CADM2: variants seen among roughly 807,000 people sequenced by gnomAD.
CADM2 encodes the protein immunoglobulin superfamily member 4D.
In CADM2, 12 loss-of-function variants were observed where a neutral mutation model predicts 49.8. The ratio of observed to expected loss-of-function variants is 0.24; its 90% CI spans 0.15 to 0.39. The LOEUF (loss-of-function observed/expected upper bound fraction) is 0.39, where lower values mean the gene tolerates loss of function less well. Among genes scored for constraint, CADM2 ranks in the 10% least tolerant of loss-of-function variants. CADM2 has a pLI of 1.00. For missense variants in CADM2, 378 were observed against 492.3 expected, an observed-to-expected ratio of 0.77 and a Z score of 2.20; for synonymous variants, 214 against 175.4, an observed-to-expected ratio of 1.22 and a Z score of -1.74.
chr3:85,962,862 T>A (rs1296774796), intron 8 of CADM2, among the ~76,000 whole-genome samples: 2 of 151,974 alleles, frequency 1.3e-5, no homozygotes, highest in African/African-American at 4.8e-5. Flanking sequence ...CTGTCATAAA[T>A]CGTGGATCTT....
chr3:85,695,607 C>G lies in CADM2; in HGVS notation c.62-30915C>G, dbSNP rs568868977. Among the ~76,000 whole-genome samples the G allele has an allele frequency of 5.3e-5, 8 of 152,004 alleles. No homozygotes were observed. The East Asian group carries it at 1.5e-3, about 29-fold the overall frequency. On this transcript the variant is annotated intron_variant, in intron 1 of 9. Transcript: ENST00000383699. Reference sequence around the variant, plus strand: ...GGGTACGTACACACACACACACACACGCACACAAACACACTTACATACATA... The same window carrying G: ...GGGTACGTACACACACACACACACAGGCACACAAACACACTTACATACATA...
At chr3:86,009,793 A>G (rs1429469976) in intron 8 of CADM2, among the ~76,000 whole-genome samples, 1 of 151,804 alleles carries the variant, frequency 6.6e-6, no homozygotes, top group Non-Finnish European at 1.5e-5. Flanking sequence ...GACAAATAAT[A>G]TATATTTTAA....
chr3:85,180,514 GAAAA>G (rs58932967), intron 1 of CADM2, among the ~76,000 whole-genome samples: 4 of 77,294 alleles, frequency 5.2e-5, no homozygotes, highest in Non-Finnish European at 5.6e-5. Context: ...GTCTCAAAAA[GAAAA>G]AAAAAAAAAA....
At chr3:85,709,787 A>G (rs1478454082) in intron 1 of CADM2, among the ~76,000 whole-genome samples, 1 of 152,138 alleles carries the variant, frequency 6.6e-6, no homozygotes, top group Non-Finnish European at 1.5e-5. Context: ...AGAAGAGGCT[A>G]TTTGGACTGG....
chr3:86,014,953 C>A, intron 8 of CADM2: 1 of 1,427,844 alleles, frequency 7.0e-7, no homozygotes, highest in South Asian at 1.2e-5. Context: ...CGTCTTAAAG[C>A]ATATTTAAGG....
At chr3:85,324,511 AC>A (rs1289660916) in intron 1 of CADM2, among the ~76,000 whole-genome samples, 2 of 152,178 alleles carry the variant, frequency 1.3e-5, no homozygotes, top group Non-Finnish European at 2.9e-5. Flanking sequence ...AACTCACCAG[AC>A]ATACTAGTGA....
At chr3:85,349,070 C>A (rs1256838827) in intron 1 of CADM2, among the ~76,000 whole-genome samples, 1 of 151,918 alleles carries the variant, frequency 6.6e-6, no homozygotes, top group Non-Finnish European at 1.5e-5. Context: ...CCTGTATGGC[C>A]CCTGTTCTGA....
chr3:85,651,771 C>T (rs771281133), intron 1 of CADM2, among the ~76,000 whole-genome samples: 4 of 151,712 alleles, frequency 2.6e-5, no homozygotes, highest in African/African-American at 9.7e-5. Context: ...AATACATAAT[C>T]TTAGCACTTG....
intron 1 of CADM2, among the ~76,000 whole-genome samples, chr3:84,986,613 G>A (rs975993184): frequency 6.6e-6 from 1 of 151,860 alleles, no homozygotes; most frequent in Admixed American, 6.6e-5. Context: ...TGGGGTGGGG[G>A]GAGCGGGGAG....
At chr3:85,081,060 A>G (rs544140144) in intron 1 of CADM2, among the ~76,000 whole-genome samples, 81 of 152,244 alleles carry the variant, frequency 5.3e-4, no homozygotes, top group Admixed American at 2.4e-3. Flanking sequence ...CTGTTACTAT[A>G]ATTCCAATAA....
chr3:85,677,216 T>G (rs2065910608), intron 1 of CADM2, among the ~76,000 whole-genome samples: 1 of 151,718 alleles, frequency 6.6e-6, no homozygotes, highest in Non-Finnish European at 1.5e-5. Flanking sequence ...TTACAGATTT[T>G]AGGATTAATT....
chr3:86,060,601 T>C (rs1738515946), intron 8 of CADM2, among the ~76,000 whole-genome samples: 1 of 152,182 alleles, frequency 6.6e-6, no homozygotes, highest in Admixed American at 6.6e-5. Context: ...TCCTTAAACC[T>C]CTTTTTCCTT....
intron 1 of CADM2, among the ~76,000 whole-genome samples, chr3:85,513,455 A>G (rs1258301063): frequency 1.3e-5 from 2 of 152,008 alleles, no homozygotes; most frequent in African/African-American, 4.8e-5. Flanking sequence ...ACATTATGCC[A>G]CATCTCTGGG....
intron 1 of CADM2, among the ~76,000 whole-genome samples, chr3:85,297,142 A>T (rs947181061): frequency 6.6e-6 from 1 of 152,018 alleles, no homozygotes; most frequent in Non-Finnish European, 1.5e-5. Flanking sequence ...ATAGACTAAC[A>T]TAGACTAGCA....
chr3:85,262,653 G>A (rs1446649593), intron 1 of CADM2, among the ~76,000 whole-genome samples: 2 of 152,108 alleles, frequency 1.3e-5, no homozygotes, highest in Admixed American at 1.3e-4. Flanking sequence ...TTGAAACTCA[G>A]AGAGTGAAAT....
At chr3:85,154,923 A>T (rs1430692138) in intron 1 of CADM2, among the ~76,000 whole-genome samples, 2 of 151,954 alleles carry the variant, frequency 1.3e-5, no homozygotes, top group Non-Finnish European at 2.9e-5. Flanking sequence ...CTGCCCTAAA[A>T]GAGCTCCTGA....
At chr3:85,189,487 A>G (rs567975231) in intron 1 of CADM2, among the ~76,000 whole-genome samples, 2 of 152,216 alleles carry the variant, frequency 1.3e-5, no homozygotes, top group Non-Finnish European at 2.9e-5. Flanking sequence ...TTTTGAACCC[A>G]TAAAGAGAAT....
At chr3:85,370,475 A>G (rs1205748419) in intron 1 of CADM2, among the ~76,000 whole-genome samples, 1 of 151,726 alleles carries the variant, frequency 6.6e-6, no homozygotes, top group Non-Finnish European at 1.5e-5. Flanking sequence ...AAAAATTCCT[A>G]TTGCCTAGTG....
At chr3:86,042,914 G>A (rs1559820563) in intron 8 of CADM2, among the ~76,000 whole-genome samples, 1 of 152,132 alleles carries the variant, frequency 6.6e-6, no homozygotes, top group Non-Finnish European at 1.5e-5. Context: ...GGGATGCAAG[G>A]CTGGTTCAAC....
Sources: allele counts gnomAD v4.1 joint callset (sites outside exome capture counted in the v4.1 genomes callset), GRCh38; gene constraint gnomAD v4.1.1; transcripts MANE v1.5; gene names NCBI Gene and HGNC (gene_info 2026-07-23, HGNC 2026-07-21).